Variants in DRAM2 observed in about 807,000 individuals in gnomAD.
DRAM2 encodes DNA damage regulated autophagy modulator 2, also known as DNA damage-regulated autophagy modulator protein 2.
In DRAM2, 26 loss-of-function variants were observed where a neutral mutation model predicts 33.5. The observed-to-expected ratio is 0.78, with a 90% CI of 0.57 to 1.08. DRAM2 has a LOEUF of 1.08. Among genes scored for constraint, DRAM2 ranks in the 50% least tolerant of loss-of-function variants. DRAM2 has a pLI of 0.00. For synonymous variants in DRAM2, 98 were observed against 109.5 expected, an observed-to-expected ratio of 0.89 and a Z score of 0.66; for missense variants, 311 against 318.1, an observed-to-expected ratio of 0.98 and a Z score of 0.17.
intron 3 of DRAM2, among the ~76,000 whole-genome samples, chr1:111,135,488 C>T (rs1165244855): frequency 2.0e-5 from 3 of 152,132 alleles, no homozygotes; most frequent in Non-Finnish European, 4.4e-5. Flanking sequence ...CCCTGTCTTT[C>T]GTAGAAGACC....
At chr1:111,124,225 A>AT (rs2101039110) in intron 6 of DRAM2, among the ~76,000 whole-genome samples, 1 of 152,344 alleles carries the variant, frequency 6.6e-6, no homozygotes, top group South Asian at 2.1e-4. Flanking sequence ...CTACTTTAAC[A>AT]TTAAGTATTT....
At chr1:111,137,000 T>C (rs1222499322) in intron 3 of DRAM2, among the ~76,000 whole-genome samples, 2 of 151,246 alleles carry the variant, frequency 1.3e-5, no homozygotes, top group East Asian at 3.9e-4. Flanking sequence ...GCGCCTGTAA[T>C]CCTAGCACTT....
At chr1:111,133,016 G>C (rs750866109) in intron 3 of DRAM2, among the ~76,000 whole-genome samples, 3 of 151,848 alleles carry the variant, frequency 2.0e-5, no homozygotes, top group Admixed American at 2.0e-4. Context: ...CTCCAGTCTT[G>C]ACCAAACCAA....
intron 6 of DRAM2, among the ~76,000 whole-genome samples, chr1:111,121,081 TA>T (rs1347135285): frequency 2.0e-5 from 3 of 151,990 alleles, no homozygotes; most frequent in Admixed American, 2.0e-4. Flanking sequence ...ACAATAAATA[TA>T]AACTTCAGAA....
chr1:111,126,285 A>G lies in DRAM2; in HGVS notation c.141T>C (p.Gly47=). 6.2e-7 allele frequency: 1 copy of G among 1,607,388 alleles called. No homozygotes were observed. Among genetic ancestry groups the G allele is most frequent in the Non-Finnish European group, 8.5e-7 (1 of 1,175,498 alleles). ...DPALPYISDT[G]TVAPEKCLFG... is the part of the protein sequence containing the mutation. ...ATAAGCATTTTTCTGGAGCTACTGT[A>G]CCAGTGTCACTGAAAGAAAAAAAGG... The change falls in exon 5 of 10, where the codon GGT becomes GGC. Residue 47 remains glycine, a synonymous_variant. Transcript: ENST00000484310.
rs1393816155 is a variant in DRAM2, at chr1:111,117,191, T to G, written c.*969A>C. ...CACACTTATTTTGCATGTAGTTTAA[T>G]TGGATTGCCAATTTTGTTCTTTAGA... On this transcript the variant is annotated 3_prime_UTR_variant, in exon 10 of 10. Transcript: ENST00000484310. The G allele has an allele frequency of 6.6e-6, 1 of 152,154 alleles. No homozygotes were observed. The highest frequency in any genetic ancestry group is 1.5e-5 in the Non-Finnish European group (1 of 67,976). 9.4% of individuals were successfully genotyped at this position (152,154 alleles called of 1,614,324 possible).
chr1:111,138,590 C>G (rs1261278776), intron 2 of DRAM2, among the ~76,000 whole-genome samples: 6 of 152,148 alleles, frequency 3.9e-5, no homozygotes, highest in Non-Finnish European at 8.8e-5. Context: ...TTGAGACTAT[C>G]CTGGCCAACA....
At chr1:111,120,835 T>G (rs951105647) in intron 6 of DRAM2, 142 bp from the exon 7 acceptor site, 57 of 631,252 alleles carry the variant, frequency 9.0e-5, no homozygotes, top group Non-Finnish European at 1.1e-4. Context: ...ACAAATTACT[T>G]TCTGAAGTAA....
intron 2 of DRAM2, among the ~76,000 whole-genome samples, chr1:111,137,931 A>G (rs1653592102): frequency 1.3e-5 from 2 of 152,230 alleles, no homozygotes; most frequent in Admixed American, 1.3e-4. Context: ...AAATAAAGCA[A>G]TTGCAAGTCC....
At chr1:111,118,963 C>A in intron 8 of DRAM2, 66 bp from the exon 9 acceptor site, 2 of 1,079,558 alleles carry the variant, frequency 1.9e-6, no homozygotes, top group South Asian at 4.0e-5. Flanking sequence ...TACTATGTTT[C>A]AAATAAAAAA....
intron 6 of DRAM2, 27 bp from the exon 7 acceptor site, chr1:111,120,720 C>A: frequency 6.9e-7 from 1 of 1,452,764 alleles, no homozygotes. Context: ...AGAAATACGT[C>A]AATAAAAGAA....
intron 3 of DRAM2, among the ~76,000 whole-genome samples, chr1:111,135,026 T>C (rs1340227748): frequency 6.6e-6 from 1 of 152,188 alleles, no homozygotes; most frequent in Non-Finnish European, 1.5e-5. Context: ...TTCCCCCACC[T>C]GGAGCTGTGA....
rs374561936 is a variant in DRAM2, at chr1:111,118,119, C to G, written c.*41G>C. ...AACTTCTGTGAACCTTTCCCCAATCCCTGAGAATCATAATCATTACAGAAA... is the reference window on the plus strand; with the variant it reads ...AACTTCTGTGAACCTTTCCCCAATCGCTGAGAATCATAATCATTACAGAAA... On this transcript the variant is annotated 3_prime_UTR_variant, in exon 10 of 10. Transcript: ENST00000484310. 2.0e-5 allele frequency: 32 copies of G among 1,587,042 alleles called. No homozygotes were observed. Among genetic ancestry groups the G allele is most frequent in the Non-Finnish European group, 2.8e-5 (32 of 1,156,318 alleles).
chr1:111,118,712 G>A (rs936140620), intron 9 of DRAM2, 93 bp downstream of exon 9: 9 of 831,890 alleles, frequency 1.1e-5, no homozygotes, highest in African/African-American at 1.8e-5. Flanking sequence ...TCAAAAAGGC[G>A]GGAGAGTTGC....
At chr1:111,136,992 G>A (rs182705493) in intron 3 of DRAM2, among the ~76,000 whole-genome samples, 60 of 150,580 alleles carry the variant, frequency 4.0e-4, no homozygotes, top group Admixed American at 1.2e-3. Context: ...GGTGGCTCGC[G>A]CCTGTAATCC....
rs558318325 is a variant in DRAM2, at chr1:111,136,269, A to G, written c.-15+1254T>C. ...TCTCTGAACCAGTTTCTCCTTTGAA[A>G]AATGGAATAATGTGAGGCTGGGTGC... is the stretch of plus-strand genomic sequence containing the variant. On this transcript the variant is annotated intron_variant, in intron 3 of 9. Transcript: ENST00000484310. Among the ~76,000 whole-genome samples, 9 of 152,330 alleles carry G rather than the reference A, an allele frequency of 5.9e-5. No homozygotes were observed. The South Asian group carries it at 1.9e-3, about 32-fold the overall frequency.
chr1:111,117,454 TCC>T lies in DRAM2; in HGVS notation c.*704_*705del, dbSNP rs1649147361. 6.6e-6 allele frequency: 1 copy of T among 152,044 alleles called. No homozygotes were observed. The highest frequency in any genetic ancestry group is 1.5e-5 in the Non-Finnish European group (1 of 67,960). 9.4% of individuals were successfully genotyped at this position (152,044 alleles called of 1,614,324 possible). A position where few individuals can be genotyped will look rare whatever the true frequency, so the allele number is the denominator to read the frequency against. On this transcript the variant is annotated 3_prime_UTR_variant, in exon 10 of 10. Coordinates refer to ENST00000484310, the MANE Select transcript of DRAM2 (RefSeq NM_001349884.2). ...GTAAATTTACCTACAGGTGCCTCTC[TCC>T]TTCATTGGTGATTAAAATTTCACGC...
At chr1:111,125,684 A>T (rs1419876136) in intron 5 of DRAM2, 2 of 152,288 alleles carry the variant, frequency 1.3e-5, no homozygotes, top group African/African-American at 4.8e-5. Context: ...AAGAATGCAA[A>T]TATTTAAAAC....
At chr1:111,135,022 C>G (rs868323592) in intron 3 of DRAM2, among the ~76,000 whole-genome samples, 17 of 152,276 alleles carry the variant, frequency 1.1e-4, no homozygotes, top group Middle Eastern at 6.8e-3. Flanking sequence ...TTTATTCCCC[C>G]ACCTGGAGCT....
Sources: allele counts gnomAD v4.1 joint callset (sites outside exome capture counted in the v4.1 genomes callset), GRCh38; gene constraint gnomAD v4.1.1; transcripts MANE v1.5; gene names NCBI Gene and HGNC (gene_info 2026-07-23, HGNC 2026-07-21).